Variants in SYBU observed in about 807,000 individuals in gnomAD.
SYBU encodes GOLSYN A protein.
A neutral mutation model predicts 35.9 loss-of-function variants in SYBU; 21 were observed. That is an observed-to-expected ratio of 0.58 (90% CI 0.41 to 0.84). The LOEUF (loss-of-function observed/expected upper bound fraction) is 0.84, where lower values mean the gene tolerates loss of function less well. SYBU is among the 40% of genes least tolerant of loss of function. SYBU has a pLI of 0.00. For synonymous variants in SYBU, 319 were observed against 324.3 expected (o/e 0.98, Z 0.18); for missense variants, 768 against 848.2 (o/e 0.91, Z 1.17).
At chr8:109,677,935 G>C (rs1052705741) in intron 1 of SYBU, among the ~76,000 whole-genome samples, 1 of 151,944 alleles carries the variant, frequency 6.6e-6, no homozygotes, top group Admixed American at 6.6e-5. Flanking sequence ...AGGAATTCGA[G>C]ACCAGCCTTA....
rs941521317 is a variant in SYBU, at chr8:109,644,582, C to T, written c.24+54G>A. On this transcript the variant is annotated intron_variant, in intron 1 of 6. Transcript: ENST00000276646. ...GCTCTCATCCCGCCGCTTCTCGCCC[C>T]GCAGTGCCCGCCTTCCCCGCCCTCC... is the stretch of plus-strand genomic sequence containing the variant. 8.5e-6 allele frequency: 13 copies of T among 1,530,716 alleles called. No homozygotes were observed. In the African/African-American group the frequency reaches 1.4e-4, roughly 16 times the overall value. 94.8% of individuals were successfully genotyped at this position (1,530,716 alleles called of 1,614,324 possible).
chr8:109,637,610 A>T (rs1178889537), intron 2 of SYBU, among the ~76,000 whole-genome samples: 2 of 152,188 alleles, frequency 1.3e-5, no homozygotes, highest in Non-Finnish European at 2.9e-5. Flanking sequence ...GGAGGGTAGC[A>T]GTCATTCAAC....
At chr8:109,624,791 C>T (rs116408327) in intron 2 of SYBU, among the ~76,000 whole-genome samples, 4,214 of 147,478 alleles carry the variant, frequency 0.029, 186 homozygotes, top group African/African-American at 0.11. Context: ...AAACTGCAGC[C>T]TGCAGGGCAA....
chr8:109,672,850 G>T (rs1241526495), intron 1 of SYBU, among the ~76,000 whole-genome samples: 1 of 152,144 alleles, frequency 6.6e-6, no homozygotes, highest in Admixed American at 6.5e-5. Context: ...GTGGGGGGAG[G>T]GGCATCTGCC....
intron 1 of SYBU, among the ~76,000 whole-genome samples, chr8:109,678,159 A>AAAT (rs1817265105): frequency 8.2e-6 from 1 of 121,902 alleles, no homozygotes; most frequent in African/African-American, 2.9e-5. Context: ...AAAAAAAAAA[A>AAAT]GGAAAAGGAA....
At chr8:109,624,324 T>C (rs1461540806) in intron 2 of SYBU, among the ~76,000 whole-genome samples, 1 of 152,242 alleles carries the variant, frequency 6.6e-6, no homozygotes, top group East Asian at 1.9e-4. Flanking sequence ...AGAATTAGCA[T>C]ATATTTTTAT....
chr8:109,595,311 G>A (rs560283936), intron 3 of SYBU, among the ~76,000 whole-genome samples: 1 of 152,310 alleles, frequency 6.6e-6, no homozygotes, highest in African/African-American at 2.4e-5. Flanking sequence ...TAGATTATAA[G>A]TCAGTGAGTA....
At chr8:109,640,153 A>G (rs1466364311) in intron 2 of SYBU, among the ~76,000 whole-genome samples, 1 of 152,056 alleles carries the variant, frequency 6.6e-6, no homozygotes, top group Non-Finnish European at 1.5e-5. Context: ...TCTGCCACTC[A>G]ATTTTCATCT....
chr8:109,689,328 A>T (rs1817591784), intron 1 of SYBU, among the ~76,000 whole-genome samples: 1 of 152,016 alleles, frequency 6.6e-6, no homozygotes, highest in Non-Finnish European at 1.5e-5. Flanking sequence ...ATTTTCTTTA[A>T]TTAATTTATT....
In SYBU at chr8:109,575,917, G is replaced by A. The variant is rs1231853038; in HGVS notation, c.981C>T (p.Leu327=). ...ECHRVEAQLA[L]KEARKEIKQL... is the part of the protein sequence containing the mutation. ...GTTTAATCTCTTTCCTGGCTTCTTT[G>A]AGTGCCAACTGGGCCTCTACCCGGT... Residue 327 remains leucine, a synonymous_variant, in exon 7 of 7, where the codon CTC becomes CTT. Transcript: ENST00000276646. The A allele has an allele frequency of 1.9e-6, 3 of 1,613,748 alleles. No homozygotes were observed. The highest frequency in any genetic ancestry group is 2.5e-6 in the Non-Finnish European group (3 of 1,179,970).
chr8:109,681,000 G>A (rs187100200), exon 1 of SYBU: 2 of 152,352 alleles, frequency 1.3e-5, no homozygotes, highest in East Asian at 3.9e-4. Context: ...TAAATATCCT[G>A]ATGGGAAGAA....
chr8:109,628,511 T>C (rs998082625), intron 2 of SYBU, among the ~76,000 whole-genome samples: 8 of 152,090 alleles, frequency 5.3e-5, no homozygotes, highest in Non-Finnish European at 1.0e-4. Context: ...TTTTTCTTTT[T>C]CTTTTTCTTT....
chr8:109,647,946 C>T (rs952325959), upstream of SYBU: 8 of 152,118 alleles, frequency 5.3e-5, no homozygotes, highest in African/African-American at 9.7e-5. Flanking sequence ...CAAGTTTTAC[C>T]GATGATAATA....
intron 1 of SYBU, among the ~76,000 whole-genome samples, chr8:109,689,273 C>T (rs3133935): frequency 0.42 from 63,269 of 152,002 alleles, 14,386 homozygotes; most frequent in African/African-American, 0.61. Flanking sequence ...AGCCAGAAAA[C>T]TGACATTGGT....
At chr8:109,661,414 C>T (rs981123845) in intron 1 of SYBU, among the ~76,000 whole-genome samples, 1 of 152,168 alleles carries the variant, frequency 6.6e-6, no homozygotes, top group Non-Finnish European at 1.5e-5. Flanking sequence ...TACCTAGTGT[C>T]ATCTATGTAA....
At chr8:109,602,865 G>C (rs60770217) in intron 3 of SYBU, among the ~76,000 whole-genome samples, 3,074 of 152,282 alleles carry the variant, frequency 0.02, 113 homozygotes, top group African/African-American at 0.069. Flanking sequence ...TGGCGTTGGG[G>C]TTGTTTTTAA....
intron 1 of SYBU, among the ~76,000 whole-genome samples, chr8:109,650,111 A>G (rs1816060487): frequency 6.6e-6 from 1 of 152,128 alleles, no homozygotes; most frequent in Non-Finnish European, 1.5e-5. Context: ...CTATAGAGAG[A>G]GGATGCTTCT....
At chr8:109,621,380 C>T (rs550771648) in intron 2 of SYBU, among the ~76,000 whole-genome samples, 11 of 152,186 alleles carry the variant, frequency 7.2e-5, no homozygotes, top group African/African-American at 2.4e-4. Flanking sequence ...AGTGTGATGC[C>T]TCACCTGTCA....
At chr8:109,666,599 G>A (rs1161238774) in intron 1 of SYBU, among the ~76,000 whole-genome samples, 1 of 152,102 alleles carries the variant, frequency 6.6e-6, no homozygotes, top group Non-Finnish European at 1.5e-5. Flanking sequence ...AAATTAGCCA[G>A]GCATGGTGAT....
Sources: gnomAD v4.1 joint callset for allele counts (sites outside exome capture counted in the v4.1 genomes callset) on GRCh38, gnomAD v4.1.1 for gene constraint, MANE v1.5 for transcripts, NCBI Gene and HGNC (gene_info 2026-07-23, HGNC 2026-07-21) for gene names.